Variants in MOB3B observed in about 807,000 individuals in gnomAD.
MOB3B encodes the protein MOB kinase activator 3B, also known as MOB kinase activator-like 2B.
MOB3B carries 7 observed loss-of-function variants against 18.7 expected under a neutral mutation model. The ratio of observed to expected loss-of-function variants is 0.37; its 90% CI spans 0.21 to 0.70. MOB3B has a LOEUF of 0.70. Ranked by LOEUF, MOB3B falls within the 30% of genes least tolerant of loss-of-function variation. The probability of loss-of-function intolerance (pLI) is 0.52; values close to 1 mark genes in which losing one functional copy is unlikely to be tolerated. For missense variants in MOB3B, 253 were observed against 281.3 expected, an observed-to-expected ratio of 0.90 and a Z score of 0.72; for synonymous variants, 111 against 99.9, an observed-to-expected ratio of 1.11 and a Z score of -0.66.
chr9:27,340,763 C>A (rs1362137065), intron 3 of MOB3B, among the ~76,000 whole-genome samples: 1 of 152,192 alleles, frequency 6.6e-6, no homozygotes, highest in East Asian at 1.9e-4. Flanking sequence ...CTGCTCAAAG[C>A]GACACTGAGA....
At chr9:27,451,338 T>C (rs150345727) in intron 2 of MOB3B, among the ~76,000 whole-genome samples, 113 of 152,284 alleles carry the variant, frequency 7.4e-4, no homozygotes, top group African/African-American at 2.6e-3. Context: ...CACAGGGACA[T>C]CTGTTGGGTT....
chr9:27,331,972 G>A (rs1339410278), intron 3 of MOB3B, among the ~76,000 whole-genome samples: 1 of 152,150 alleles, frequency 6.6e-6, no homozygotes, highest in African/African-American at 2.4e-5. Flanking sequence ...AATACAGGAA[G>A]TTACAAATCT....
At chr9:27,496,977 T>C (rs546533971) in intron 1 of MOB3B, among the ~76,000 whole-genome samples, 1 of 152,322 alleles carries the variant, frequency 6.6e-6, no homozygotes, top group African/African-American at 2.4e-5. Context: ...CCCACACTTT[T>C]CCCAAACATT....
At chr9:27,338,414 C>T (rs146016510) in intron 3 of MOB3B, among the ~76,000 whole-genome samples, 2,339 of 152,232 alleles carry the variant, frequency 0.015, 66 homozygotes, top group African/African-American at 0.054. Flanking sequence ...CGCCCCAGAG[C>T]TGGTTGCTAA....
chr9:27,490,454 G>C (rs1477580741), intron 1 of MOB3B, among the ~76,000 whole-genome samples: 1 of 152,190 alleles, frequency 6.6e-6, no homozygotes, highest in Non-Finnish European at 1.5e-5. Context: ...TTGAGAGAGG[G>C]ACTCAAGAAG....
At chr9:27,414,638 T>C (rs886894736) in intron 2 of MOB3B, among the ~76,000 whole-genome samples, 1 of 152,198 alleles carries the variant, frequency 6.6e-6, no homozygotes, top group Admixed American at 6.5e-5. Flanking sequence ...AAGAACCAGT[T>C]ACACGTGGTG....
intron 2 of MOB3B, among the ~76,000 whole-genome samples, chr9:27,393,372 A>AGTGTGTGT (rs35949017): frequency 2.7e-5 from 4 of 148,668 alleles, no homozygotes; most frequent in African/African-American, 7.4e-5. Flanking sequence ...GGTGCAGAGA[A>AGTGTGTGT]GTGTGTGTGT....
intron 3 of MOB3B, among the ~76,000 whole-genome samples, chr9:27,352,136 T>A (rs1002065082): frequency 6.6e-6 from 1 of 152,030 alleles, no homozygotes; most frequent in Non-Finnish European, 1.5e-5. Flanking sequence ...ATCCCAGCAC[T>A]TTGGGAGGTC....
chr9:27,418,936 A>G (rs1224895691), intron 2 of MOB3B, among the ~76,000 whole-genome samples: 1 of 63,432 alleles, frequency 1.6e-5, no homozygotes, highest in Non-Finnish European at 3.8e-5. Flanking sequence ...TAGAACTGAT[A>G]AAAAAAAATT....
chr9:27,342,576 C>T (rs1820962616), intron 3 of MOB3B, among the ~76,000 whole-genome samples: 1 of 152,188 alleles, frequency 6.6e-6, no homozygotes, highest in South Asian at 2.1e-4. Flanking sequence ...GCCTGATTCT[C>T]CTGCCTCAGC....
chr9:27,351,038 GATT>G (rs1821098459), intron 3 of MOB3B, among the ~76,000 whole-genome samples: 1 of 152,022 alleles, frequency 6.6e-6, no homozygotes, highest in African/African-American at 2.4e-5. Context: ...GAGTAGCTGG[GATT>G]ATGGGCACCT....
At chr9:27,444,232 G>T (rs1445672185) in intron 2 of MOB3B, among the ~76,000 whole-genome samples, 1 of 104,092 alleles carries the variant, frequency 9.6e-6, no homozygotes, top group Non-Finnish European at 2.0e-5. Flanking sequence ...AGAAAGGAGG[G>T]AGGGAGGGAA....
intron 1 of MOB3B, among the ~76,000 whole-genome samples, chr9:27,460,208 T>C (rs1226956788): frequency 6.6e-6 from 1 of 152,142 alleles, no homozygotes; most frequent in Non-Finnish European, 1.5e-5. Context: ...TCCTTCAGAG[T>C]ATTACTTAGG....
Position 27,503,164 on chromosome 9 carries a change from G to A in MOB3B, c.-199+26391C>T, listed in dbSNP as rs150015822. ...AGACTGGAGGAAGAACATGACACAC[G>A]TGTGAGGTCTAAGAACCAGAAGAAA... On this transcript the variant is annotated intron_variant, in intron 1 of 3. Transcript: ENST00000262244. Among the ~76,000 whole-genome samples, 902 of 152,238 alleles carry A rather than the reference G, an allele frequency of 5.9e-3. 4 individuals carry two copies. Among genetic ancestry groups the A allele is most frequent in the South Asian group, 0.013 (63 of 4,820 alleles).
chr9:27,417,970 T>G (rs1473665947), intron 2 of MOB3B, among the ~76,000 whole-genome samples: 1 of 151,344 alleles, frequency 6.6e-6, no homozygotes, highest in Admixed American at 6.6e-5. Context: ...CACACGCCTG[T>G]GGTCCCAGCT....
intron 3 of MOB3B, among the ~76,000 whole-genome samples, chr9:27,336,444 C>CA (rs1286309267): frequency 6.6e-6 from 1 of 151,962 alleles, no homozygotes; most frequent in African/African-American, 2.4e-5. Context: ...ATACTTGAAA[C>CA]AAAAAATAAT....
intron 1 of MOB3B, among the ~76,000 whole-genome samples, chr9:27,492,524 T>A (rs2764332): frequency 0.25 from 37,581 of 152,076 alleles, 4,832 homozygotes; most frequent in East Asian, 0.34. Flanking sequence ...ACCTAAAGGT[T>A]TTCAGAAATG....
intron 2 of MOB3B, 149 bp from the exon 3 acceptor site, chr9:27,359,385 G>C (rs559699356): frequency 1.6e-5 from 10 of 635,582 alleles, no homozygotes; most frequent in South Asian, 1.2e-4. Context: ...GTGTGGGGGG[G>C]GGGGGTTGGT....
intron 3 of MOB3B, among the ~76,000 whole-genome samples, chr9:27,332,585 A>G (rs113578045): frequency 0.042 from 6,331 of 152,270 alleles, 327 homozygotes; most frequent in African/African-American, 0.12. Flanking sequence ...TGGACAGAGG[A>G]AGAATCCCAG....
Sources: allele counts gnomAD v4.1 joint callset (sites outside exome capture counted in the v4.1 genomes callset), GRCh38; gene constraint gnomAD v4.1.1; transcripts MANE v1.5; gene names NCBI Gene and HGNC (gene_info 2026-07-23, HGNC 2026-07-21).